The following RELN variants were observed in gnomAD, a reference collection of about 807,000 sequenced individuals.
RELN encodes the protein reelin.
RELN carries 108 observed loss-of-function variants against 427.6 expected under a neutral mutation model. That is an observed-to-expected ratio of 0.25 (90% CI 0.22 to 0.30). The LOEUF (loss-of-function observed/expected upper bound fraction) is 0.30, where lower values mean the gene tolerates loss of function less well. RELN is among the 10% of genes least tolerant of loss of function. RELN has a pLI of 1.00. For missense variants in RELN, 3,715 were observed against 4,302.8 expected, an observed-to-expected ratio of 0.86 and a Z score of 3.82; for synonymous variants, 1,524 against 1,513.4, an observed-to-expected ratio of 1.01 and a Z score of -0.16.
At position 103,797,198 on chromosome 7, in the gene RELN, G is replaced by A. The variant is rs146363998; in HGVS notation, c.474-20571C>T. Among the ~76,000 whole-genome samples the A allele has an allele frequency of 5.6e-3, 854 of 152,270 alleles. 4 individuals are homozygous for A. The highest frequency in any genetic ancestry group is 0.019 in the African/African-American group (792 of 41,560). On this transcript the variant is annotated intron_variant, in intron 3 of 64. Transcript: ENST00000428762. ...CCTCAGGTTCGACCTGCCTCTGCAG[G>A]TTCAAGTGATTCTCCTGCCTCAGCC... is the stretch of plus-strand genomic sequence containing the variant.
At chr7:103,849,641 T>C (rs1459704880) in intron 2 of RELN, among the ~76,000 whole-genome samples, 1 of 152,156 alleles carries the variant, frequency 6.6e-6, no homozygotes, top group Non-Finnish European at 1.5e-5. Context: ...TAAGTACATG[T>C]CTCTCTTTTT....
At position 103,575,029 on chromosome 7, in the gene RELN, G is replaced by A. The variant is rs546951598; in HGVS notation, c.4303+519C>T. ...ATAACGTTTCCTATAGTGATGTAGA[G>A]GGCTCACAGAGGCCATGCAGCCATG... is the stretch of plus-strand genomic sequence containing the variant. On this transcript the variant is annotated intron_variant, in intron 29 of 64. Transcript: ENST00000428762. Among the ~76,000 whole-genome samples, 12 of 152,274 alleles carry A rather than the reference G, an allele frequency of 7.9e-5. No homozygotes were observed. In the South Asian group the frequency reaches 1.7e-3, roughly 21 times the overall value.
rs1833403486 is a variant in RELN at position 103,672,011 on chromosome 7, CAG to C, written c.1289+10103_1289+10104del. On this transcript the variant is annotated intron_variant, in intron 11 of 64. Coordinates refer to ENST00000428762, the MANE Select transcript of RELN (RefSeq NM_005045.4). ...AGCATTTTGTGAAAATATTCTAAAT[CAG>C]AGGTAACAATTCATCTGGATAGGAT... Among the ~76,000 whole-genome samples the C allele has an allele frequency of 2.0e-5, 3 of 152,040 alleles. No homozygotes were observed. In the South Asian group the frequency reaches 6.2e-4, roughly 32 times the overall value.
intron 2 of RELN, among the ~76,000 whole-genome samples, chr7:103,870,192 G>C (rs1794296157): frequency 6.6e-6 from 1 of 151,932 alleles, no homozygotes; most frequent in Admixed American, 6.6e-5. Context: ...TTGTACCTAT[G>C]TATAATATCT....
In RELN at chr7:103,874,585, T is replaced by G. The variant is rs113277859; in HGVS notation, c.338-40913A>C. Among the ~76,000 whole-genome samples the G allele has an allele frequency of 1.1e-4, 14 of 131,368 alleles. 3 individuals carry two copies. The East Asian group carries it at 3.5e-3, about 33-fold the overall frequency. 86.2% of individuals were successfully genotyped at this position (131,368 alleles called of 152,430 possible). ...ACAACAGACAAACAGAGAGCCAAAT[T>G]ATGAGTGAACTCCCATTCACAATTG... On this transcript the variant is annotated intron_variant, in intron 2 of 64. Coordinates refer to ENST00000428762, the MANE Select transcript of RELN (RefSeq NM_005045.4).
intron 2 of RELN, among the ~76,000 whole-genome samples, chr7:103,864,236 C>G (rs538513041): frequency 6.6e-6 from 1 of 152,320 alleles, no homozygotes; most frequent in East Asian, 1.9e-4. Flanking sequence ...AGTGTCATCT[C>G]AGACCTACAT....
At chr7:103,657,049 A>C (rs1294282161) in intron 12 of RELN, among the ~76,000 whole-genome samples, 1 of 152,086 alleles carries the variant, frequency 6.6e-6, no homozygotes, top group African/African-American at 2.4e-5. Context: ...CAAAGCATTG[A>C]AATCTGGCAT....
intron 3 of RELN, among the ~76,000 whole-genome samples, chr7:103,826,320 A>ATGTGTGTGTGTGTGTGTGTGTG (rs71154374): frequency 2.0e-3 from 243 of 122,060 alleles, no homozygotes; most frequent in Middle Eastern, 4.2e-3. Context: ...GACTAAGACA[A>ATGTGTGTGTGTGTGTGTGTGTG]TGTGTGTGTG....
chr7:103,799,570 C>T (rs1408837015), intron 3 of RELN, among the ~76,000 whole-genome samples: 1 of 152,174 alleles, frequency 6.6e-6, no homozygotes, highest in East Asian at 1.9e-4. Context: ...CTGGCCAATT[C>T]CAAGTTATCC....
intron 2 of RELN, among the ~76,000 whole-genome samples, chr7:103,840,902 A>C (rs113735449): frequency 5.3e-5 from 8 of 152,320 alleles, no homozygotes; most frequent in African/African-American, 1.9e-4. Context: ...CAATAATTTA[A>C]CTATGCTTTT....
chr7:103,703,986 T>C (rs1834146999), intron 8 of RELN, among the ~76,000 whole-genome samples: 1 of 152,164 alleles, frequency 6.6e-6, no homozygotes, highest in Non-Finnish European at 1.5e-5. Flanking sequence ...TTAGCAAACA[T>C]CCTGGATTTA....
intron 28 of RELN, among the ~76,000 whole-genome samples, chr7:103,584,638 A>G (rs942200776): frequency 5.3e-5 from 8 of 152,172 alleles, no homozygotes; most frequent in African/African-American, 1.9e-4. Context: ...CCCCAATGAC[A>G]TCACTAGATA....
At chr7:103,583,645 AATAGAAC>A (rs959526023) in intron 28 of RELN, among the ~76,000 whole-genome samples, 34 of 152,234 alleles carry the variant, frequency 2.2e-4, no homozygotes, top group African/African-American at 8.2e-4. Context: ...CCATACCTTG[AATAGAAC>A]ATCTAGGAGA....
chr7:103,896,208 C>T (rs999836734), intron 2 of RELN, among the ~76,000 whole-genome samples: 4 of 152,070 alleles, frequency 2.6e-5, no homozygotes, highest in Admixed American at 1.3e-4. Context: ...GCAATTGCAA[C>T]TCTAATGCTA....
intron 19 of RELN, among the ~76,000 whole-genome samples, chr7:103,634,470 T>C (rs1832535113): frequency 1.3e-5 from 2 of 152,192 alleles, no homozygotes; most frequent in Admixed American, 1.3e-4. Flanking sequence ...CCTAAAATTG[T>C]ACCACTAATG....
At chr7:103,546,206 G>T (rs1231289610) in intron 41 of RELN, among the ~76,000 whole-genome samples, 1 of 152,128 alleles carries the variant, frequency 6.6e-6, no homozygotes, top group African/African-American at 2.4e-5. Flanking sequence ...TCTATGGACT[G>T]ACGTATTCTG....
At chr7:103,965,104 A>G (rs907691336) in intron 1 of RELN, among the ~76,000 whole-genome samples, 4 of 152,244 alleles carry the variant, frequency 2.6e-5, no homozygotes, top group Non-Finnish European at 4.4e-5. Context: ...ATTTTCACAT[A>G]AACCCAACTG....
At chr7:103,716,693 T>G (rs978779160) in intron 8 of RELN, among the ~76,000 whole-genome samples, 3 of 152,192 alleles carry the variant, frequency 2.0e-5, no homozygotes, top group Non-Finnish European at 2.9e-5. Flanking sequence ...AAATTCTGTC[T>G]TATATACAGA....
At chr7:103,492,089 A>G in intron 57 of RELN, 63 bp from the exon 58 acceptor site, 2 of 1,295,642 alleles carry the variant, frequency 1.5e-6, no homozygotes, top group Non-Finnish European at 2.2e-6. Flanking sequence ...TCCATTAATT[A>G]AAATCCCATC....
Sources: allele counts gnomAD v4.1 joint callset (sites outside exome capture counted in the v4.1 genomes callset), GRCh38; gene constraint gnomAD v4.1.1; transcripts MANE v1.5; gene names NCBI Gene and HGNC (gene_info 2026-07-23, HGNC 2026-07-21).